The following ERG variants were observed in gnomAD, a reference collection of about 807,000 sequenced individuals.
The protein encoded by ERG is ETS transcription factor ERG.
In ERG, 9 loss-of-function variants were observed where a neutral mutation model predicts 55.3. That is an observed-to-expected ratio of 0.16 (90% CI 0.10 to 0.28). The LOEUF (loss-of-function observed/expected upper bound fraction) is 0.28. Ranked by LOEUF, ERG falls within the 10% of genes least tolerant of loss-of-function variation. The pLI is 1.00. For missense variants in ERG, 434 were observed against 631.6 expected (o/e 0.69, Z 3.35); for synonymous variants, 223 against 237.3 (o/e 0.94, Z 0.55).
At chr21:38,482,608 G>A (rs2059247666) in intron 1 of ERG, among the ~76,000 whole-genome samples, 1 of 151,914 alleles carries the variant, frequency 6.6e-6, no homozygotes. Context: ...GATATGAAAG[G>A]AACCAAAGTG....
At chr21:38,633,699 T>TCC (rs2060370860) in intron 1 of ERG, among the ~76,000 whole-genome samples, 1 of 152,202 alleles carries the variant, frequency 6.6e-6, no homozygotes, top group South Asian at 2.1e-4. Flanking sequence ...ATTTTTTAAT[T>TCC]ATTCCTTACC....
chr21:38,653,690 G>A lies in ERG; in HGVS notation c.-150+7968C>T, dbSNP rs149171888. ...CAGGTGGATAGGCGGGCTCCATAGCGGAATGTTCTGGCTTCTCCCACTAAA... is the reference window on the plus strand; with the variant it reads ...CAGGTGGATAGGCGGGCTCCATAGCAGAATGTTCTGGCTTCTCCCACTAAA... On this transcript the variant is annotated intron_variant, in intron 1 of 10. Coordinates refer to the ERG transcript ENST00000398910. Among the ~76,000 whole-genome samples the A allele has an allele frequency of 4.9e-3, 751 of 152,264 alleles. 8 individuals are homozygous for A. Among genetic ancestry groups the A allele is most frequent in the African/African-American group, 0.017 (707 of 41,534 alleles).
chr21:38,371,423 T>C, the ERG span, among the ~76,000 whole-genome samples: 31 of 152,154 alleles, frequency 2.0e-4, no homozygotes, highest in South Asian at 6.2e-3. Context: ...TCCAAACCTA[T>C]GTTGAATAGT....
chr21:38,565,169 A>C (rs1050674128), intron 2 of ERG, among the ~76,000 whole-genome samples: 1 of 152,082 alleles, frequency 6.6e-6, no homozygotes, highest in African/African-American at 2.4e-5. Context: ...TCCACCTTCA[A>C]AGTAGATCCC....
At chr21:38,575,805 T>G in intron 1 of ERG, 1 of 1,320,044 alleles carries the variant, frequency 7.6e-7, no homozygotes. Flanking sequence ...CTGTGTTTTA[T>G]GTTCTAGCAG....
intron 2 of ERG, among the ~76,000 whole-genome samples, chr21:38,530,214 C>T (rs1324679675): frequency 2.6e-5 from 4 of 151,926 alleles, no homozygotes. Context: ...CGCACACCAC[C>T]ATGCCCAGCT....
intron 1 of ERG, among the ~76,000 whole-genome samples, chr21:38,461,075 T>C (rs2059037778): frequency 1.3e-5 from 2 of 152,202 alleles, no homozygotes; most frequent in Non-Finnish European, 2.9e-5. Context: ...ATAGTCTGTG[T>C]ATTCATTTGC....
At chr21:38,420,188 G>A (rs1989477094) in intron 3 of ERG, among the ~76,000 whole-genome samples, 1 of 152,194 alleles carries the variant, frequency 6.6e-6, no homozygotes, top group East Asian at 1.9e-4. Flanking sequence ...TTAGTGAGGT[G>A]CCTGGATACC....
chr21:38,599,096 G>C (rs1180278356), intron 1 of ERG, among the ~76,000 whole-genome samples: 2 of 152,186 alleles, frequency 1.3e-5, no homozygotes, highest in Non-Finnish European at 2.9e-5. Flanking sequence ...CAGGGCACAG[G>C]GGCTAGTGAC....
chr21:38,437,089 A>T (rs769001143), intron 2 of ERG, among the ~76,000 whole-genome samples: 9 of 151,980 alleles, frequency 5.9e-5, no homozygotes, highest in Non-Finnish European at 1.2e-4. Context: ...GGGTTTCACC[A>T]TGTTGGCCAG....
At chr21:38,468,368 A>G (rs2059108645) in intron 1 of ERG, among the ~76,000 whole-genome samples, 1 of 152,246 alleles carries the variant, frequency 6.6e-6, no homozygotes, top group South Asian at 2.1e-4. Flanking sequence ...TGGAGTTCAC[A>G]TGGAATGCAT....
chr21:38,459,057 T>A (rs146529787), intron 1 of ERG, among the ~76,000 whole-genome samples: 121 of 152,294 alleles, frequency 7.9e-4, no homozygotes, highest in African/African-American at 2.9e-3. Flanking sequence ...ATGCCCTCCT[T>A]TTTCTCTCCT....
chr21:38,566,673 C>T (rs375313107), intron 2 of ERG, among the ~76,000 whole-genome samples: 2 of 152,250 alleles, frequency 1.3e-5, no homozygotes, highest in African/African-American at 4.8e-5. Context: ...TTCACAGAAG[C>T]CACGCAAAAG....
At chr21:38,637,848 T>C (rs2060399906) in intron 1 of ERG, among the ~76,000 whole-genome samples, 2 of 152,160 alleles carry the variant, frequency 1.3e-5, no homozygotes, top group African/African-American at 4.8e-5. Context: ...CACATGTGTA[T>C]GTATGCAAGT....
At chr21:38,435,569 T>C (rs1219957405) in intron 2 of ERG, among the ~76,000 whole-genome samples, 1 of 152,206 alleles carries the variant, frequency 6.6e-6, no homozygotes, top group Non-Finnish European at 1.5e-5. Flanking sequence ...CCAACAGTCC[T>C]GTTCCCTCCC....
chr21:38,640,670 C>T (rs1476077516), intron 1 of ERG, among the ~76,000 whole-genome samples: 2 of 152,204 alleles, frequency 1.3e-5, no homozygotes, highest in African/African-American at 2.4e-5. Context: ...GCCTCCCCAG[C>T]CACGTGGAAC....
chr21:38,427,205 G>A (rs939188058), intron 2 of ERG, among the ~76,000 whole-genome samples: 3 of 152,092 alleles, frequency 2.0e-5, no homozygotes, highest in Non-Finnish European at 2.9e-5. Context: ...CTCCCAAGTA[G>A]CTGGCATTAC....
At chr21:38,530,863 G>A (rs756115400) in intron 2 of ERG, among the ~76,000 whole-genome samples, 1 of 152,124 alleles carries the variant, frequency 6.6e-6, no homozygotes, top group African/African-American at 2.4e-5. Flanking sequence ...GTCTAAAGAG[G>A]AAAATTCCCA....
At chr21:38,504,570 T>A (rs1179208753) in intron 2 of ERG, among the ~76,000 whole-genome samples, 1 of 152,262 alleles carries the variant, frequency 6.6e-6, no homozygotes, top group African/African-American at 2.4e-5. Context: ...GAGTTTCAAC[T>A]TCTTTGTCCG....
Sources: gnomAD v4.1 joint callset for allele counts (sites outside exome capture counted in the v4.1 genomes callset) on GRCh38, gnomAD v4.1.1 for gene constraint, MANE v1.5 for transcripts, NCBI Gene and HGNC (gene_info 2026-07-23, HGNC 2026-07-21) for gene names.